The following RABGAP1L variants were observed in gnomAD, a reference collection of about 807,000 sequenced individuals.
RABGAP1L encodes the protein RAB GTPase activating protein 1 like.
In RABGAP1L, 63 loss-of-function variants were observed where a neutral mutation model predicts 137.7. The ratio of observed to expected loss-of-function variants is 0.46; its 90% confidence interval spans 0.37 to 0.56. The LOEUF is 0.56. Ranked by LOEUF, RABGAP1L falls within the 20% of genes least tolerant of loss-of-function variation. RABGAP1L has a pLI of 0.00. For synonymous variants in RABGAP1L, 431 were observed against 433.7 expected (o/e 0.99, Z 0.08); for missense variants, 1,095 against 1,244.0 (o/e 0.88, Z 1.80).
intron 19 of RABGAP1L, chr1:174,893,106 AT>A: frequency 5.7e-6 from 2 of 350,096 alleles, no homozygotes; most frequent in Non-Finnish European, 5.9e-6. Context: ...TTGGTGACAA[AT>A]TTTTTATAAT....
At chr1:174,401,872 T>TG (rs1194627164) in intron 13 of RABGAP1L, among the ~76,000 whole-genome samples, 1 of 152,082 alleles carries the variant, frequency 6.6e-6, no homozygotes, top group Non-Finnish European at 1.5e-5. Flanking sequence ...GAACAGAGAA[T>TG]GGGAGTATGT....
intron 18 of RABGAP1L, among the ~76,000 whole-genome samples, chr1:174,797,521 GGT>G (rs1308455000): frequency 3.7e-5 from 5 of 134,416 alleles, no homozygotes; most frequent in Non-Finnish European, 6.5e-5. Flanking sequence ...GTGTGTAGGG[GGT>G]GTGTGTGTGG....
At chr1:174,221,965 A>G (rs1372615773) in intron 3 of RABGAP1L, among the ~76,000 whole-genome samples, 1 of 151,258 alleles carries the variant, frequency 6.6e-6, no homozygotes, top group Admixed American at 6.6e-5. Flanking sequence ...CCTTCTGAGT[A>G]GCTGGGTGTG....
intron 13 of RABGAP1L, among the ~76,000 whole-genome samples, chr1:174,475,522 C>T (rs1331325144): frequency 6.6e-6 from 1 of 151,824 alleles, no homozygotes; most frequent in African/African-American, 2.4e-5. Flanking sequence ...TAGGGGCAAA[C>T]AATTAAGGTA....
intron 13 of RABGAP1L, among the ~76,000 whole-genome samples, chr1:174,611,771 C>G (rs558300245): frequency 6.6e-6 from 1 of 152,242 alleles, no homozygotes; most frequent in East Asian, 1.9e-4. Context: ...AGGTCCTTCA[C>G]GTCCCTTTTA....
chr1:174,929,070 G>A (rs111655768), intron 19 of RABGAP1L, among the ~76,000 whole-genome samples: 69 of 151,930 alleles, frequency 4.5e-4, no homozygotes, highest in Admixed American at 1.2e-3. Flanking sequence ...CTGTCGTGGG[G>A]TGGGGCTGGG....
At chr1:174,902,929 A>G (rs1038256832) in intron 19 of RABGAP1L, among the ~76,000 whole-genome samples, 2 of 152,190 alleles carry the variant, frequency 1.3e-5, no homozygotes, top group Admixed American at 1.3e-4. Context: ...GCTGTTTCTA[A>G]TCGGCCATCT....
At chr1:174,961,775 G>A (rs1455630384) in intron 20 of RABGAP1L, among the ~76,000 whole-genome samples, 1 of 151,236 alleles carries the variant, frequency 6.6e-6, no homozygotes, top group South Asian at 2.1e-4. Flanking sequence ...GAGCCTGGGA[G>A]GGGGAGGTTG....
chr1:174,196,761 C>G (rs1417988205), intron 1 of RABGAP1L, among the ~76,000 whole-genome samples: 1 of 152,002 alleles, frequency 6.6e-6, no homozygotes, highest in Non-Finnish European at 1.5e-5. Flanking sequence ...ATTTTATAAA[C>G]ATGTTTTCCT....
At chr1:174,428,609 G>A (rs936718499) in intron 13 of RABGAP1L, among the ~76,000 whole-genome samples, 13 of 151,858 alleles carry the variant, frequency 8.6e-5, no homozygotes, top group African/African-American at 1.9e-4. Flanking sequence ...GTACTTAATC[G>A]TTATTAAGAG....
At chr1:174,977,665 A>G (rs574436279) in intron 22 of RABGAP1L, among the ~76,000 whole-genome samples, 1 of 152,350 alleles carries the variant, frequency 6.6e-6, no homozygotes, top group Middle Eastern at 3.4e-3. Flanking sequence ...TTTTCAGATG[A>G]GGAAACTATG....
At chr1:174,223,306 G>T (rs547896052) in intron 3 of RABGAP1L, among the ~76,000 whole-genome samples, 3 of 144,996 alleles carry the variant, frequency 2.1e-5, no homozygotes, top group Admixed American at 1.4e-4. Context: ...AGCTGGGCAG[G>T]GTGGTGAACA....
At position 174,665,536 on chromosome 1, in the gene RABGAP1L, AC is replaced by A. The variant is rs1260099660; in HGVS notation, c.1825-17984del. Among the ~76,000 whole-genome samples, 2 of 150,350 alleles carry A rather than the reference AC, an allele frequency of 1.3e-5. 1 individual carries two copies. The highest frequency in any genetic ancestry group is 2.9e-5 in the Non-Finnish European group (2 of 67,880). On this transcript the variant is annotated intron_variant, in intron 14 of 25. Transcript: ENST00000681986. ...AGTGGCATGATCTCAGCTCACCGTAACCTCTGCCTCCTGGATTCAAGCAATT... is the reference window on the plus strand; with the variant it reads ...AGTGGCATGATCTCAGCTCACCGTAACTCTGCCTCCTGGATTCAAGCAATT...
chr1:174,602,811 T>C (rs1390450220), intron 13 of RABGAP1L, among the ~76,000 whole-genome samples: 1 of 152,138 alleles, frequency 6.6e-6, no homozygotes, highest in Non-Finnish European at 1.5e-5. Flanking sequence ...TGTAATCTCT[T>C]TGTTAAATTT....
intron 18 of RABGAP1L, among the ~76,000 whole-genome samples, chr1:174,790,081 A>G (rs147016427): frequency 0.022 from 3,390 of 151,970 alleles, 55 homozygotes; most frequent in Middle Eastern, 0.085. Flanking sequence ...GTGGTGGCTC[A>G]CACCTGTGGT....
chr1:174,589,273 CT>C (rs1669367406), intron 13 of RABGAP1L, among the ~76,000 whole-genome samples: 1 of 152,040 alleles, frequency 6.6e-6, no homozygotes, highest in African/African-American at 2.4e-5. Flanking sequence ...TTATTCAAAT[CT>C]TTTGCCCATT....
At chr1:174,935,341 T>C (rs1460774987) in intron 19 of RABGAP1L, 1 of 152,208 alleles carries the variant, frequency 6.6e-6, no homozygotes, top group East Asian at 1.9e-4. Flanking sequence ...TATCTAGATA[T>C]AGTACTTCTG....
At chr1:174,316,896 GGC>G (rs1679426536) in intron 11 of RABGAP1L, among the ~76,000 whole-genome samples, 1 of 152,110 alleles carries the variant, frequency 6.6e-6, no homozygotes, top group South Asian at 2.1e-4. Flanking sequence ...ACTTTCCAAA[GGC>G]AGAGGAACCT....
chr1:174,606,752 A>G (rs1476333553), intron 13 of RABGAP1L, among the ~76,000 whole-genome samples: 1 of 152,138 alleles, frequency 6.6e-6, no homozygotes, highest in Non-Finnish European at 1.5e-5. Context: ...ATCCATTGTT[A>G]TCTCAAAGTC....
Sources: gnomAD v4.1 joint callset for allele counts (sites outside exome capture counted in the v4.1 genomes callset) on GRCh38, gnomAD v4.1.1 for gene constraint, MANE v1.5 for transcripts, NCBI Gene and HGNC (gene_info 2026-07-23, HGNC 2026-07-21) for gene names.